The following CBFA2T2 variants were observed in gnomAD, a reference collection of about 807,000 sequenced individuals.
CBFA2T2 encodes protein CBFA2T2.
In CBFA2T2, 11 loss-of-function variants were observed where a neutral mutation model predicts 62.2. The ratio of observed to expected loss-of-function variants is 0.18; its 90% CI spans 0.11 to 0.29. CBFA2T2 has a LOEUF of 0.29. CBFA2T2 is among the 10% of genes least tolerant of loss of function. The pLI is 1.00. For synonymous variants in CBFA2T2, 295 were observed against 287.5 expected (o/e 1.03, Z -0.27); for missense variants, 592 against 774.1 (o/e 0.76, Z 2.79).
intron 1 of CBFA2T2, among the ~76,000 whole-genome samples, chr20:33,529,223 C>T (rs1353066051): frequency 6.6e-6 from 1 of 151,948 alleles, no homozygotes; most frequent in Admixed American, 6.6e-5. Context: ...GAGGGGGTTT[C>T]ACTGTGTTAG....
At chr20:33,591,071 T>G (rs1304587272) in intron 1 of CBFA2T2, among the ~76,000 whole-genome samples, 4 of 148,028 alleles carry the variant, frequency 2.7e-5, no homozygotes, top group African/African-American at 1.0e-4. Flanking sequence ...TCCAGCTACT[T>G]GGGAGGCTGA....
At chr20:33,595,416 T>G (rs1321389479) in intron 1 of CBFA2T2, among the ~76,000 whole-genome samples, 3 of 152,198 alleles carry the variant, frequency 2.0e-5, no homozygotes, top group African/African-American at 7.2e-5. Context: ...TTCACCACGT[T>G]GGCCAGGATG....
chr20:33,573,542 C>T (rs938859820), intron 1 of CBFA2T2, among the ~76,000 whole-genome samples: 1 of 151,194 alleles, frequency 6.6e-6, no homozygotes, highest in Non-Finnish European at 1.5e-5. Flanking sequence ...AGTGCAGTGG[C>T]GTGATCTTAG....
At chr20:33,610,839 A>G (rs1236229185) in intron 2 of CBFA2T2, among the ~76,000 whole-genome samples, 3 of 152,256 alleles carry the variant, frequency 2.0e-5, no homozygotes, top group African/African-American at 7.2e-5. Context: ...ACCCCTGCCC[A>G]TGGCACCTGT....
intron 1 of CBFA2T2, among the ~76,000 whole-genome samples, chr20:33,518,675 G>A (rs1453338103): frequency 2.0e-5 from 3 of 151,746 alleles, no homozygotes; most frequent in Admixed American, 2.0e-4. Context: ...GGGAGGCTGA[G>A]GCAGGAGAAT....
chr20:33,500,158 A>G (rs1197281822), intron 1 of CBFA2T2, among the ~76,000 whole-genome samples: 1 of 151,722 alleles, frequency 6.6e-6, no homozygotes, highest in African/African-American at 2.4e-5. Flanking sequence ...GGGTTTCACC[A>G]TCTTGGCCAG....
At chr20:33,574,640 A>G (rs1240376621) in intron 1 of CBFA2T2, among the ~76,000 whole-genome samples, 1 of 152,208 alleles carries the variant, frequency 6.6e-6, no homozygotes, top group Non-Finnish European at 1.5e-5. Flanking sequence ...ACAAACAAAC[A>G]AAAACTCTTA....
intron 1 of CBFA2T2, among the ~76,000 whole-genome samples, chr20:33,554,629 G>C (rs1600964114): frequency 1.9e-5 from 1 of 53,920 alleles, no homozygotes; most frequent in East Asian, 6.0e-4. Context: ...TTTTTGAGAT[G>C]GAGTTTCGCT....
chr20:33,519,374 G>A (rs1021629706), intron 1 of CBFA2T2, among the ~76,000 whole-genome samples: 1 of 152,184 alleles, frequency 6.6e-6, no homozygotes, highest in Non-Finnish European at 1.5e-5. Flanking sequence ...GGAGGCTGAG[G>A]CGGGAGAATC....
intron 1 of CBFA2T2, among the ~76,000 whole-genome samples, chr20:33,529,696 G>A (rs1291441908): frequency 7.0e-6 from 1 of 142,914 alleles, no homozygotes; most frequent in Non-Finnish European, 1.5e-5. Context: ...AAAAAAACTA[G>A]GCATAAGATT....
chr20:33,554,263 T>C (rs1011896202), intron 1 of CBFA2T2, among the ~76,000 whole-genome samples: 5 of 151,196 alleles, frequency 3.3e-5, no homozygotes, highest in South Asian at 4.2e-4. Context: ...TTCTTTTTTT[T>C]TTTTTTTTTC....
At chr20:33,576,065 G>T (rs143596838) in intron 1 of CBFA2T2, among the ~76,000 whole-genome samples, 1 of 152,268 alleles carries the variant, frequency 6.6e-6, no homozygotes, top group Non-Finnish European at 1.5e-5. Context: ...GGGATTACAG[G>T]CGTGAGCCAC....
chr20:33,520,214 CTT>C (rs1287269253), intron 1 of CBFA2T2, among the ~76,000 whole-genome samples: 1 of 151,994 alleles, frequency 6.6e-6, no homozygotes, highest in Non-Finnish European at 1.5e-5. Context: ...ATAGCACAAA[CTT>C]TGTGATAAAA....
intron 1 of CBFA2T2, among the ~76,000 whole-genome samples, chr20:33,590,149 G>C (rs949187195): frequency 6.6e-6 from 1 of 151,882 alleles, no homozygotes; most frequent in African/African-American, 2.4e-5. Flanking sequence ...GGGAGGCTGA[G>C]GTGGGAGGAT....
chr20:33,545,439 C>CTCTCTCTTTCTTTCTTTCTTTCTT, intron 1 of CBFA2T2, among the ~76,000 whole-genome samples: 1 of 148,264 alleles, frequency 6.7e-6, no homozygotes, highest in Non-Finnish European at 1.5e-5. Context: ...CTCTTTCTTT[C>CTCTCTCTTTCTTTCTTTCTTTCTT]TCTTTCTTTC....
intron 1 of CBFA2T2, among the ~76,000 whole-genome samples, chr20:33,515,995 A>G (rs2011593805): frequency 6.6e-6 from 1 of 151,908 alleles, no homozygotes; most frequent in Admixed American, 6.6e-5. Flanking sequence ...CATAAGAAAA[A>G]TTAGCCAGTA....
intron 2 of CBFA2T2, among the ~76,000 whole-genome samples, chr20:33,609,200 A>G (rs908371603): frequency 1.3e-5 from 2 of 152,198 alleles, no homozygotes; most frequent in African/African-American, 4.8e-5. Flanking sequence ...CAACACAAAT[A>G]TAGAAATAAA....
At chr20:33,598,252 G>A (rs1278962750) in intron 1 of CBFA2T2, among the ~76,000 whole-genome samples, 9 of 152,210 alleles carry the variant, frequency 5.9e-5, no homozygotes, top group South Asian at 2.1e-4. Context: ...TTTATTAGGC[G>A]GGAATTTCCT....
chr20:33,612,049 C>T (rs1380861961), intron 3 of CBFA2T2, among the ~76,000 whole-genome samples: 1 of 152,126 alleles, frequency 6.6e-6, no homozygotes, highest in Non-Finnish European at 1.5e-5. Flanking sequence ...ACAATGATTT[C>T]TAAAATTACA....
Sources: allele counts gnomAD v4.1 joint callset (sites outside exome capture counted in the v4.1 genomes callset), GRCh38; gene constraint gnomAD v4.1.1; transcripts MANE v1.5; gene names NCBI Gene and HGNC (gene_info 2026-07-23, HGNC 2026-07-21).